Variants in SEC23A observed in about 807,000 individuals in gnomAD.
SEC23A encodes protein transport protein Sec23A.
In SEC23A, 56 loss-of-function variants were observed where a neutral mutation model predicts 103.7. That is an observed-to-expected ratio of 0.54 (90% CI 0.44 to 0.67). SEC23A has a LOEUF of 0.67. Among genes scored for constraint, SEC23A ranks in the 30% least tolerant of loss-of-function variants. SEC23A has a pLI of 0.00. For synonymous variants in SEC23A, 281 were observed against 293.0 expected (o/e 0.96, Z 0.42); for missense variants, 784 against 936.4 (o/e 0.84, Z 2.12).
At chr14:39,046,790 A>G (rs1276187869) in intron 15 of SEC23A, among the ~76,000 whole-genome samples, 2 of 152,198 alleles carry the variant, frequency 1.3e-5, no homozygotes, top group East Asian at 3.8e-4. Context: ...GGACAGTTAC[A>G]CTGGGTCTTT....
At chr14:39,066,310 A>G (rs962238949) in intron 10 of SEC23A, among the ~76,000 whole-genome samples, 2 of 152,142 alleles carry the variant, frequency 1.3e-5, no homozygotes, top group African/African-American at 4.8e-5. Flanking sequence ...TTTAATGAAA[A>G]TTCAAAATTA....
chr14:39,072,036 C>A (rs1195193292), intron 9 of SEC23A, among the ~76,000 whole-genome samples: 1 of 151,952 alleles, frequency 6.6e-6, no homozygotes, highest in Non-Finnish European at 1.5e-5. Flanking sequence ...GAATTCGAGA[C>A]CAGCCTGGCC....
At chr14:39,091,393 T>A in intron 5 of SEC23A, 84 bp downstream of exon 5, 1 of 912,260 alleles carries the variant, frequency 1.1e-6, no homozygotes, top group South Asian at 1.4e-5. Context: ...AATAAAAATT[T>A]GTCCTAGAAA....
intron 2 of SEC23A, 25 bp from the exon 3 acceptor site, chr14:39,093,269 A>T (rs924762580): frequency 1.9e-6 from 3 of 1,573,612 alleles, no homozygotes; most frequent in African/African-American, 2.7e-5. Flanking sequence ...AAGAAAAGAC[A>T]TATCAGTTCA....
At position 39,074,420 on chromosome 14, in the gene SEC23A, A is replaced by G; in HGVS notation, c.1098T>C (p.Leu366=). Residue 366 remains leucine, a synonymous_variant, in exon 9 of 20, where the codon CTT becomes CTC. Transcript: ENST00000307712. ...GTAAAAATTTAAATACATACCCAGT[A>G]AGGTTGGGACAGCATTTCATCTCCA... The part of the protein sequence containing the change: ...GLLEMKCCPN[L]TGGYMVMGDS... 6.3e-7 allele frequency: 1 copy of G among 1,591,346 alleles called. No individual in the cohort carries two copies.
Position 39,063,361 on chromosome 14 carries a change from G to A in SEC23A, c.1361C>T (p.Thr454Ile). 1 of 1,612,422 alleles carries A rather than the reference G, an allele frequency of 6.2e-7. No homozygotes were observed. The highest frequency in any genetic ancestry group is 1.1e-5 in the South Asian group (1 of 91,040). ...CQWKICGLSP[T>I]TTLAIYFEVV... ...CTCAAAATATATGGCTAAGGTTGTA[G>A]TGGGACTAAGTCCACATATCTTCCA... The change falls in exon 12 of 20, where the codon ACT becomes ATT. Residue 454 changes from threonine (T) to isoleucine (I), a missense_variant. Thr to Ile is a moderately conservative substitution (Grantham distance 89, BLOSUM62 -1). Coordinates refer to ENST00000307712, the MANE Select transcript of SEC23A (RefSeq NM_006364.4).
chr14:39,052,767 G>T (rs1886111255), intron 14 of SEC23A, among the ~76,000 whole-genome samples: 1 of 152,168 alleles, frequency 6.6e-6, no homozygotes, highest in Admixed American at 6.5e-5. Context: ...ACCTAGAAAA[G>T]GAAAAGTCAC....
chr14:39,076,866 G>T (rs532838454), intron 7 of SEC23A, among the ~76,000 whole-genome samples: 1 of 151,148 alleles, frequency 6.6e-6, no homozygotes, highest in African/African-American at 2.4e-5. Context: ...GGTGGAGGTC[G>T]CAGTGAGCCA....
intron 8 of SEC23A, among the ~76,000 whole-genome samples, chr14:39,074,921 C>T (rs563505760): frequency 1.3e-5 from 2 of 152,112 alleles, no homozygotes; most frequent in East Asian, 3.9e-4. Context: ...TCCTGGCAAA[C>T]ACGGTGAAAC....
Position 39,100,176 on chromosome 14 carries a change from T to C in SEC23A, c.-22+2856A>G, listed in dbSNP as rs1054873897. 3.3e-5 allele frequency among the ~76,000 whole-genome samples: 5 copies of C among 152,166 alleles called. No homozygotes were observed. In the East Asian group the frequency reaches 7.7e-4, roughly 23 times the overall value. ...CTCTAAGATCAATTTGCTTGCTAAA[T>C]CACATCTATTATACTTCTTACATTC... On this transcript the variant is annotated intron_variant, in intron 1 of 19. Transcript: ENST00000307712.
chr14:39,061,990 T>C (rs1886498147), intron 12 of SEC23A, 119 bp from the exon 13 acceptor site: 3 of 713,626 alleles, frequency 4.2e-6, no homozygotes. Context: ...AGAAGGATAC[T>C]TATTTCCAGT....
intron 19 of SEC23A, among the ~76,000 whole-genome samples, chr14:39,038,360 C>T (rs540008935): frequency 6.6e-6 from 1 of 152,162 alleles, no homozygotes; most frequent in Non-Finnish European, 1.5e-5. Flanking sequence ...TCCCATTCTG[C>T]CTTGTAATTT....
chr14:39,075,940 T>C lies in SEC23A; in HGVS notation c.982A>G (p.Thr328Ala). ...TATTTAACAGTCAAAATTACCTTAG[T>C]TCCCTTTTTAACATATTTGGCATTG... ...KDNAKYVKKG[T>A]KHFEALANRA... is the part of the protein sequence containing the mutation. Residue 328 changes from threonine (T) to alanine (A), a missense_variant, in exon 8 of 20, where the codon ACT becomes GCT. By Grantham distance (58) the Thr-to-Ala change is moderately conservative. Transcript: ENST00000307712. 3 of 1,613,858 alleles carry C rather than the reference T, an allele frequency of 1.9e-6. No individual in the cohort carries two copies. Among genetic ancestry groups the C allele is most frequent in the Non-Finnish European group, 1.7e-6 (2 of 1,179,836 alleles).
intron 2 of SEC23A, 26 bp from the exon 3 acceptor site, chr14:39,093,270 TATCAG>T (rs772454823): frequency 1.3e-6 from 2 of 1,573,494 alleles, no homozygotes; most frequent in Non-Finnish European, 1.7e-6. Flanking sequence ...AGAAAAGACA[TATCAG>T]TTCATATTTC....
In SEC23A at chr14:39,059,815, T is replaced by C. The variant is rs895587306; in HGVS notation, c.1505+1950A>G. 3.9e-5 allele frequency among the ~76,000 whole-genome samples: 6 copies of C among 152,176 alleles called. No homozygotes were observed. In the East Asian group the frequency reaches 1.2e-3, roughly 29 times the overall value. On this transcript the variant is annotated intron_variant, in intron 13 of 19. Transcript: ENST00000307712. ...TAACACTGATATAATGCCATTATCATATAGAAAGAGACTATATTCATATTT... is the reference window on the plus strand; with the variant it reads ...TAACACTGATATAATGCCATTATCACATAGAAAGAGACTATATTCATATTT...
rs960983299 is a variant in SEC23A, at chr14:39,101,348, G to T, written c.-22+1684C>A. Among the ~76,000 whole-genome samples the T allele has an allele frequency of 3.3e-5, 5 of 151,540 alleles. 1 individual carries two copies. Among genetic ancestry groups the T allele is most frequent in the Admixed American group, 6.6e-5 (1 of 15,226 alleles). On this transcript the variant is annotated intron_variant, in intron 1 of 19. Transcript: ENST00000307712. ...AAGTAAGACTTCCCTGGCCGGGCGC[G>T]GTGGCTCACACCTGTAATCCCAGCA...
chr14:39,048,351 A>G (rs1885919174), intron 15 of SEC23A, among the ~76,000 whole-genome samples: 1 of 152,136 alleles, frequency 6.6e-6, no homozygotes, highest in Non-Finnish European at 1.5e-5. Context: ...GTCTGTCTGG[A>G]TGTGGCAATC....
chr14:39,090,370 T>C (rs72671400), intron 5 of SEC23A, among the ~76,000 whole-genome samples: 12,062 of 152,054 alleles, frequency 0.079, 511 homozygotes, highest in African/African-American at 0.12. Context: ...AAACAGACAT[T>C]CACTTATTAC....
chr14:39,068,875 T>C (rs1385248472), intron 9 of SEC23A, among the ~76,000 whole-genome samples: 4 of 152,206 alleles, frequency 2.6e-5, no homozygotes, highest in Admixed American at 1.3e-4. Context: ...TTATCTCTGA[T>C]GCTTATTAGA....
Sources: allele counts gnomAD v4.1 joint callset (sites outside exome capture counted in the v4.1 genomes callset), GRCh38; gene constraint gnomAD v4.1.1; transcripts MANE v1.5; gene names NCBI Gene and HGNC (gene_info 2026-07-23, HGNC 2026-07-21).